DCC: variants seen among roughly 807,000 people sequenced by gnomAD.
DCC encodes DCC netrin 1 receptor.
A neutral mutation model predicts 172.5 loss-of-function variants in DCC; 58 were observed. That is an observed-to-expected ratio of 0.34 (90% CI 0.27 to 0.42). DCC has a LOEUF of 0.42. Among genes scored for constraint, DCC ranks in the 10% least tolerant of loss-of-function variants. The pLI is 1.00. For synonymous variants in DCC, 709 were observed against 644.5 expected, an observed-to-expected ratio of 1.10 and a Z score of -1.52; for missense variants, 1,740 against 1,791.0, an observed-to-expected ratio of 0.97 and a Z score of 0.51.
At chr18:53,500,512 C>T (rs2046083687) in intron 27 of DCC, among the ~76,000 whole-genome samples, 1 of 151,880 alleles carries the variant, frequency 6.6e-6, no homozygotes, top group African/African-American at 2.4e-5. Context: ...TGCATTAGTA[C>T]ACAAGCCACA....
intron 5 of DCC, among the ~76,000 whole-genome samples, chr18:52,998,662 T>C (rs1849273375): frequency 6.6e-6 from 1 of 152,064 alleles, no homozygotes; most frequent in South Asian, 2.1e-4. Context: ...TATGAAACTC[T>C]AGAGAAAATT....
At chr18:53,360,170 T>C (rs2057929972) in intron 15 of DCC, among the ~76,000 whole-genome samples, 1 of 152,152 alleles carries the variant, frequency 6.6e-6, no homozygotes, top group African/African-American at 2.4e-5. Flanking sequence ...TGTGTGTTTG[T>C]GTGTTTTAAT....
intron 1 of DCC, among the ~76,000 whole-genome samples, chr18:52,537,423 G>C (rs896337125): frequency 2.0e-5 from 3 of 152,148 alleles, no homozygotes; most frequent in Non-Finnish European, 4.4e-5. Flanking sequence ...TTTTCAAAAT[G>C]ATGTTTTCCA....
At chr18:53,442,261 T>A (rs1224641392) in intron 22 of DCC, among the ~76,000 whole-genome samples, 1 of 152,252 alleles carries the variant, frequency 6.6e-6, no homozygotes, top group African/African-American at 2.4e-5. Flanking sequence ...TGTGCAAGAC[T>A]ATTGGCAACA....
At chr18:53,080,514 G>T (rs1186081872) in intron 7 of DCC, among the ~76,000 whole-genome samples, 3 of 152,078 alleles carry the variant, frequency 2.0e-5, no homozygotes. Context: ...AGCAAAGGAA[G>T]TAAATATCCC....
intron 1 of DCC, among the ~76,000 whole-genome samples, chr18:52,598,921 G>A (rs2033961823): frequency 6.6e-6 from 1 of 152,126 alleles, no homozygotes; most frequent in Non-Finnish European, 1.5e-5. Flanking sequence ...TATGGCAGAA[G>A]GGCAAGAGAA....
At chr18:52,556,799 C>G (rs1392103292) in intron 1 of DCC, among the ~76,000 whole-genome samples, 1 of 152,060 alleles carries the variant, frequency 6.6e-6, no homozygotes. Flanking sequence ...GTGCCGCCGT[C>G]TCACCTTTGA....
At position 53,526,994 on chromosome 18, in the gene DCC, A is replaced by T. The variant is rs528481692; in HGVS notation, c.4254+235A>T. ...TGTAAAAAAGTTGATTCTTAAGGAC[A>T]GTCTTAGAAATATGACCAGATAGCT... is the stretch of plus-strand genomic sequence containing the variant. On this transcript the variant is annotated intron_variant, in intron 28 of 28. Transcript: ENST00000442544. 399 of 525,996 alleles carry T rather than the reference A, an allele frequency of 7.6e-4. 2 individuals are homozygous for T. Among genetic ancestry groups the T allele is most frequent in the South Asian group, 1.8e-3 (90 of 49,270 alleles). The allele number at this position is 525,996 out of a possible 1,614,324, so 32.6% of individuals were successfully genotyped here.
chr18:52,862,570 T>C (rs888799243), intron 2 of DCC, among the ~76,000 whole-genome samples: 4 of 151,962 alleles, frequency 2.6e-5, no homozygotes, highest in African/African-American at 9.7e-5. Context: ...TGGTGGCACG[T>C]GCCTGTAGTT....
intron 1 of DCC, among the ~76,000 whole-genome samples, chr18:52,455,295 C>G (rs1988424920): frequency 1.3e-5 from 2 of 152,088 alleles, no homozygotes; most frequent in African/African-American, 4.8e-5. Flanking sequence ...TTCAGCTGAG[C>G]TCTCTTTGCT....
chr18:52,417,143 G>T (rs1447968355), intron 1 of DCC, among the ~76,000 whole-genome samples: 1 of 151,894 alleles, frequency 6.6e-6, no homozygotes, highest in East Asian at 1.9e-4. Context: ...GCTTAGTTTG[G>T]CTGGATATGA....
chr18:53,265,807 G>T (rs995123614), intron 12 of DCC, among the ~76,000 whole-genome samples: 6 of 152,114 alleles, frequency 3.9e-5, no homozygotes, highest in African/African-American at 1.4e-4. Context: ...TTCAAACTTG[G>T]AACTCATGAT....
intron 21 of DCC, among the ~76,000 whole-genome samples, chr18:53,418,795 G>A (rs926072860): frequency 6.6e-6 from 1 of 152,100 alleles, no homozygotes; most frequent in Admixed American, 6.6e-5. Flanking sequence ...GTTTTGATTT[G>A]GAGAAAATAT....
At chr18:53,468,363 T>TTTTATTTA (rs367611587) in intron 25 of DCC, among the ~76,000 whole-genome samples, 1 of 54,722 alleles carries the variant, frequency 1.8e-5, no homozygotes, top group Non-Finnish European at 4.8e-5. Flanking sequence ...TATTTATTTA[T>TTTTATTTA]TTTATTTATT....
In DCC at chr18:52,546,323, C is replaced by T. The variant is rs894705758; in HGVS notation, c.91+205445C>T. Among the ~76,000 whole-genome samples, 8 of 128,974 alleles carry T rather than the reference C, an allele frequency of 6.2e-5. No individual in the cohort carries two copies. The East Asian group carries it at 7.0e-4, about 11-fold the overall frequency. The allele number at this position is 128,974 out of a possible 152,430, so 84.6% of individuals were successfully genotyped here. ...GATGTGTAGATCTGGAATTTGTAGACGAGAACCCTAGATTGACAAAGAAGA... is the reference window on the plus strand; with the variant it reads ...GATGTGTAGATCTGGAATTTGTAGATGAGAACCCTAGATTGACAAAGAAGA... On this transcript the variant is annotated intron_variant, in intron 1 of 28. Coordinates refer to ENST00000442544, the MANE Select transcript of DCC (RefSeq NM_005215.4).
intron 12 of DCC, among the ~76,000 whole-genome samples, chr18:53,258,038 C>T (rs920849019): frequency 1.3e-5 from 2 of 152,128 alleles, no homozygotes; most frequent in African/African-American, 2.4e-5. Context: ...GCTTGTATTT[C>T]TGTGGGATCG....
At chr18:52,636,643 A>C (rs908049834) in intron 1 of DCC, among the ~76,000 whole-genome samples, 1 of 151,716 alleles carries the variant, frequency 6.6e-6, no homozygotes, top group Non-Finnish European at 1.5e-5. Flanking sequence ...CCAGTATACA[A>C]CTCCCATCTC....
chr18:52,496,952 A>G (rs1414364372), intron 1 of DCC, among the ~76,000 whole-genome samples: 2 of 152,006 alleles, frequency 1.3e-5, no homozygotes, highest in Non-Finnish European at 2.9e-5. Flanking sequence ...GCCACTTTAC[A>G]TATAATGAAA....
intron 1 of DCC, among the ~76,000 whole-genome samples, chr18:52,709,551 G>A (rs532876388): frequency 4.3e-4 from 65 of 152,226 alleles, no homozygotes; most frequent in Non-Finnish European, 6.9e-4. Flanking sequence ...TGTGTGTGCT[G>A]GCCTGTGTGC....
Sources: allele counts gnomAD v4.1 joint callset (sites outside exome capture counted in the v4.1 genomes callset), GRCh38; gene constraint gnomAD v4.1.1; transcripts MANE v1.5; gene names NCBI Gene and HGNC (gene_info 2026-07-23, HGNC 2026-07-21).